The following FAF1 variants were observed in gnomAD, a reference collection of about 807,000 sequenced individuals.
FAF1 encodes the protein FAS-associated factor 1.
In FAF1, 25 loss-of-function variants were observed where a neutral mutation model predicts 92.5. The observed-to-expected ratio is 0.27, with a 90% CI of 0.20 to 0.38. FAF1 has a LOEUF of 0.38. Ranked by LOEUF, FAF1 falls within the 10% of genes least tolerant of loss-of-function variation. The probability of loss-of-function intolerance (pLI) is 1.00; values close to 1 mark genes in which losing one functional copy is unlikely to be tolerated. For missense variants in FAF1, 636 were observed against 793.3 expected, an observed-to-expected ratio of 0.80 and a Z score of 2.38; for synonymous variants, 234 against 273.2, an observed-to-expected ratio of 0.86 and a Z score of 1.42.
chr1:50,785,804 A>G (rs1661339694), intron 4 of FAF1, among the ~76,000 whole-genome samples: 1 of 152,222 alleles, frequency 6.6e-6, no homozygotes, highest in African/African-American at 2.4e-5. Context: ...TACTGCCAAC[A>G]GAATTGAAAA....
At chr1:50,876,057 G>A (rs1199536953) in intron 1 of FAF1, among the ~76,000 whole-genome samples, 1 of 152,168 alleles carries the variant, frequency 6.6e-6, no homozygotes, top group Admixed American at 6.5e-5. Context: ...ACTATAGTAG[G>A]ATATGTGCTA....
chr1:50,482,904 T>C (rs888118872), intron 17 of FAF1, among the ~76,000 whole-genome samples: 2 of 152,180 alleles, frequency 1.3e-5, no homozygotes, highest in African/African-American at 2.4e-5. Context: ...ACATCAGATA[T>C]ATGATTTTCC....
chr1:50,893,707 C>T (rs553521068), intron 1 of FAF1, among the ~76,000 whole-genome samples: 2 of 152,134 alleles, frequency 1.3e-5, no homozygotes, highest in Admixed American at 6.6e-5. Flanking sequence ...CAACTATGTT[C>T]GCACAAGGTC....
intron 1 of FAF1, among the ~76,000 whole-genome samples, chr1:50,920,372 C>G (rs1024550850): frequency 6.6e-6 from 1 of 151,878 alleles, no homozygotes; most frequent in African/African-American, 2.4e-5. Context: ...GGCATTACTG[C>G]TCCCAAAAAG....
chr1:50,784,042 A>G (rs913474229), intron 4 of FAF1, among the ~76,000 whole-genome samples: 2 of 152,240 alleles, frequency 1.3e-5, no homozygotes, highest in South Asian at 2.1e-4. Flanking sequence ...TAACCTCTAC[A>G]TAATAAATGC....
chr1:50,581,671 C>T (rs1476236809), intron 12 of FAF1, among the ~76,000 whole-genome samples: 1 of 152,078 alleles, frequency 6.6e-6, no homozygotes, highest in Non-Finnish European at 1.5e-5. Flanking sequence ...GGGGTAGGTG[C>T]TGCCAATGTG....
At chr1:50,750,985 A>G (rs1165528842) in intron 4 of FAF1, among the ~76,000 whole-genome samples, 6 of 128,110 alleles carry the variant, frequency 4.7e-5, no homozygotes, top group Non-Finnish European at 1.0e-4. Flanking sequence ...TTTTTTTTTT[A>G]ACATGAAATG....
intron 6 of FAF1, among the ~76,000 whole-genome samples, chr1:50,729,058 A>ATATTTTTT (rs1375923156): frequency 2.4e-4 from 17 of 70,116 alleles, no homozygotes; most frequent in African/African-American, 5.3e-4. Context: ...ATATATATAT[A>ATATTTTTT]TTTTTTTTTT....
intron 15 of FAF1, among the ~76,000 whole-genome samples, chr1:50,527,992 T>A (rs1041979914): frequency 2.0e-5 from 3 of 151,908 alleles, no homozygotes; most frequent in Admixed American, 2.0e-4. Flanking sequence ...CAGTTTAGCC[T>A]CCCGAGTCGC....
At chr1:50,692,240 A>AGTGTGTGTGT (rs1557478161) in intron 7 of FAF1, among the ~76,000 whole-genome samples, 1 of 66,880 alleles carries the variant, frequency 1.5e-5, no homozygotes, top group African/African-American at 5.7e-5. Flanking sequence ...TGAAGTATTT[A>AGTGTGTGTGT]CTGTGTGTGT....
intron 2 of FAF1, among the ~76,000 whole-genome samples, chr1:50,850,689 G>A (rs2124657156): frequency 6.6e-6 from 1 of 152,106 alleles, no homozygotes; most frequent in African/African-American, 2.4e-5. Flanking sequence ...GTATAAGTAG[G>A]AAACAGAAAT....
At chr1:50,477,112 C>T (rs12065210) in intron 17 of FAF1, among the ~76,000 whole-genome samples, 23,738 of 152,078 alleles carry the variant, frequency 0.16, 2,753 homozygotes, top group African/African-American at 0.33. Context: ...ATGTGTGTCA[C>T]GCAGGTGAAT....
intron 12 of FAF1, among the ~76,000 whole-genome samples, chr1:50,570,466 T>C (rs1450779191): frequency 2.0e-5 from 3 of 151,884 alleles, no homozygotes; most frequent in African/African-American, 7.3e-5. Context: ...GGAGAAACAG[T>C]TTTCGTTCCA....
At chr1:50,563,796 G>A (rs1045230892) in intron 13 of FAF1, among the ~76,000 whole-genome samples, 2 of 152,064 alleles carry the variant, frequency 1.3e-5, no homozygotes, top group Non-Finnish European at 2.9e-5. Context: ...GTTCATATTT[G>A]GAATGTTCTA....
intron 4 of FAF1, among the ~76,000 whole-genome samples, chr1:50,751,112 G>T (rs1424455129): frequency 1.8e-5 from 2 of 112,244 alleles, no homozygotes; most frequent in East Asian, 5.6e-4. Context: ...TAGTAAATGA[G>T]AAAAAGCATT....
At position 50,691,418 on chromosome 1, in the gene FAF1, T is replaced by C. The variant is rs552473741; in HGVS notation, c.657+14368A>G. 5.3e-5 allele frequency among the ~76,000 whole-genome samples: 8 copies of C among 151,864 alleles called. No individual in the cohort carries two copies. In the South Asian group the frequency reaches 1.7e-3, roughly 32 times the overall value. On this transcript the variant is annotated intron_variant, in intron 7 of 18. Coordinates refer to ENST00000396153, the MANE Select transcript of FAF1 (RefSeq NM_007051.3). The stretch of plus-strand genomic sequence containing the variant: ...CCACAATGTCCACTTCACTTTTGTG[T>C]TATTAGTAGAGATGGGTTTCACCAT...
intron 2 of FAF1, among the ~76,000 whole-genome samples, chr1:50,812,663 G>A (rs1425045024): frequency 2.6e-5 from 4 of 152,040 alleles, no homozygotes; most frequent in Admixed American, 1.3e-4. Flanking sequence ...AAACCAGTTC[G>A]GCAATTTCTC....
At chr1:50,766,911 G>A (rs942755573) in intron 4 of FAF1, among the ~76,000 whole-genome samples, 1 of 151,474 alleles carries the variant, frequency 6.6e-6, no homozygotes, top group Admixed American at 6.6e-5. Flanking sequence ...AAAAGCCACA[G>A]TGTCTTCTCA....
chr1:50,651,586 T>C (rs1226770926), intron 8 of FAF1, among the ~76,000 whole-genome samples: 1 of 152,238 alleles, frequency 6.6e-6, no homozygotes, highest in Non-Finnish European at 1.5e-5. Flanking sequence ...ACTCTGGCAC[T>C]AGGAAGCAAA....
Sources: allele counts gnomAD v4.1 joint callset (sites outside exome capture counted in the v4.1 genomes callset), GRCh38; gene constraint gnomAD v4.1.1; transcripts MANE v1.5; gene names NCBI Gene and HGNC (gene_info 2026-07-23, HGNC 2026-07-21).